Variants in SORCS3 observed in about 807,000 individuals in gnomAD.
SORCS3 encodes sortilin related VPS10 domain containing receptor 3.
SORCS3 carries 57 observed loss-of-function variants against 146.3 expected under a neutral mutation model. The observed-to-expected ratio is 0.39, with a 90% CI of 0.31 to 0.49. The LOEUF is 0.49. Among genes scored for constraint, SORCS3 ranks in the 20% least tolerant of loss-of-function variants. The probability of loss-of-function intolerance (pLI) is 0.92; values close to 1 mark genes in which losing one functional copy is unlikely to be tolerated. For synonymous variants in SORCS3, 653 were observed against 618.5 expected (o/e 1.06, Z -0.83); for missense variants, 1,341 against 1,575.5 (o/e 0.85, Z 2.52).
At chr10:105,248,882 C>T (rs1178807626) in intron 22 of SORCS3, among the ~76,000 whole-genome samples, 1 of 152,044 alleles carries the variant, frequency 6.6e-6, no homozygotes, top group Non-Finnish European at 1.5e-5. Context: ...ATTCTGTAGG[C>T]ACTGGGAAGT....
chr10:104,869,210 T>G (rs1408237753), intron 2 of SORCS3, among the ~76,000 whole-genome samples: 1 of 152,092 alleles, frequency 6.6e-6, no homozygotes. Context: ...GTATTCAAAA[T>G]TGGATTATGT....
intron 1 of SORCS3, among the ~76,000 whole-genome samples, chr10:104,760,202 A>G (rs1246379283): frequency 1.3e-5 from 2 of 152,144 alleles, no homozygotes; most frequent in Non-Finnish European, 2.9e-5. Context: ...GATTAGCAGG[A>G]GTGGGGTCTT....
intron 7 of SORCS3, among the ~76,000 whole-genome samples, chr10:105,110,846 C>A (rs1251982281): frequency 1.3e-5 from 2 of 152,050 alleles, no homozygotes; most frequent in East Asian, 3.9e-4. Context: ...TATATATTTT[C>A]TGAAATGTTA....
At chr10:104,814,294 C>T (rs1024044429) in intron 1 of SORCS3, among the ~76,000 whole-genome samples, 2 of 152,154 alleles carry the variant, frequency 1.3e-5, no homozygotes, top group African/African-American at 4.8e-5. Flanking sequence ...CTCCGATCTT[C>T]CTGCTCTTCT....
intron 1 of SORCS3, among the ~76,000 whole-genome samples, chr10:104,794,640 A>AGG (rs2017532543): frequency 6.6e-6 from 1 of 151,266 alleles, no homozygotes. Context: ...AGAGAGAGAG[A>AGG]GAGAGAGAGA....
intron 16 of SORCS3, among the ~76,000 whole-genome samples, chr10:105,210,873 A>G (rs1334840279): frequency 2.6e-5 from 4 of 152,178 alleles, no homozygotes. Flanking sequence ...CACATTATTT[A>G]TATCAATACC....
chr10:104,910,943 G>C (rs2018960458), intron 2 of SORCS3, among the ~76,000 whole-genome samples: 1 of 152,238 alleles, frequency 6.6e-6, no homozygotes, highest in Admixed American at 6.5e-5. Context: ...CTGGTGTCAT[G>C]GCTCCAGTGT....
chr10:105,188,003 C>CTGG (rs893288740), intron 14 of SORCS3, among the ~76,000 whole-genome samples: 6 of 151,908 alleles, frequency 3.9e-5, no homozygotes, highest in Admixed American at 6.6e-5. Context: ...GCTGCTGCTG[C>CTGG]TGGTGGTGGT....
At chr10:105,123,637 T>G (rs1210584437) in intron 7 of SORCS3, among the ~76,000 whole-genome samples, 3 of 152,180 alleles carry the variant, frequency 2.0e-5, no homozygotes, top group African/African-American at 7.2e-5. Flanking sequence ...ACAGGGTTTA[T>G]AGTCGAGAGA....
intron 14 of SORCS3, among the ~76,000 whole-genome samples, chr10:105,196,352 C>T (rs1356715706): frequency 3.9e-5 from 6 of 152,180 alleles, no homozygotes; most frequent in African/African-American, 1.4e-4. Flanking sequence ...GCCTGTAATC[C>T]CAGCACTTTG....
chr10:105,226,590 T>A (rs2056735312), intron 20 of SORCS3, among the ~76,000 whole-genome samples: 1 of 152,070 alleles, frequency 6.6e-6, no homozygotes, highest in African/African-American at 2.4e-5. Flanking sequence ...TAGGGAGCAT[T>A]CCCTCCTCTT....
At chr10:104,709,893 T>C (rs895460363) in intron 1 of SORCS3, among the ~76,000 whole-genome samples, 1 of 151,734 alleles carries the variant, frequency 6.6e-6, no homozygotes, top group African/African-American at 2.4e-5. Flanking sequence ...GGCAGTGGTG[T>C]TGGTTTTTTT....
At chr10:104,979,839 A>G (rs2054922423) in intron 4 of SORCS3, among the ~76,000 whole-genome samples, 1 of 152,206 alleles carries the variant, frequency 6.6e-6, no homozygotes, top group South Asian at 2.1e-4. Context: ...ATTTTGAAAC[A>G]GTATTGAAAA....
chr10:105,017,412 G>C (rs1268334013), intron 4 of SORCS3, among the ~76,000 whole-genome samples: 1 of 152,198 alleles, frequency 6.6e-6, no homozygotes, highest in Non-Finnish European at 1.5e-5. Context: ...AGATGAGAAA[G>C]AGTATCAATT....
At chr10:105,037,614 G>A (rs1436019168) in intron 4 of SORCS3, among the ~76,000 whole-genome samples, 1 of 152,024 alleles carries the variant, frequency 6.6e-6, no homozygotes, top group Admixed American at 6.6e-5. Flanking sequence ...AGGATTCCCT[G>A]TCTGCCTGTC....
intron 2 of SORCS3, among the ~76,000 whole-genome samples, chr10:104,881,254 G>C (rs1326123245): frequency 6.6e-6 from 1 of 152,134 alleles, no homozygotes; most frequent in Non-Finnish European, 1.5e-5. Context: ...AGTGCATATA[G>C]ATTGTAGTTT....
At chr10:104,679,280 G>A (rs1416892299) in intron 1 of SORCS3, among the ~76,000 whole-genome samples, 4 of 152,138 alleles carry the variant, frequency 2.6e-5, no homozygotes, top group Admixed American at 2.6e-4. Context: ...TTGTGGGGAG[G>A]GAAGTAAAAG....
intron 1 of SORCS3, among the ~76,000 whole-genome samples, chr10:104,669,182 A>C (rs914983977): frequency 6.6e-6 from 1 of 152,228 alleles, no homozygotes; most frequent in Admixed American, 6.5e-5. Flanking sequence ...TTGATGTATA[A>C]TATACATGTA....
intron 2 of SORCS3, among the ~76,000 whole-genome samples, chr10:104,899,961 G>A (rs2018834113): frequency 6.6e-6 from 1 of 152,024 alleles, no homozygotes; most frequent in Admixed American, 6.6e-5. Flanking sequence ...GCCTTACAGT[G>A]GGACATGTAT....
Sources: gnomAD v4.1 joint callset for allele counts (sites outside exome capture counted in the v4.1 genomes callset) on GRCh38, gnomAD v4.1.1 for gene constraint, MANE v1.5 for transcripts, NCBI Gene and HGNC (gene_info 2026-07-23, HGNC 2026-07-21) for gene names.